The following PRRC2C variants were observed in gnomAD, a reference collection of about 807,000 sequenced individuals.
PRRC2C encodes protein PRRC2C.
A neutral mutation model predicts 317.2 loss-of-function variants in PRRC2C; 72 were observed. The ratio of observed to expected loss-of-function variants is 0.23; its 90% CI spans 0.19 to 0.28. The LOEUF is 0.28. Among genes scored for constraint, PRRC2C ranks in the 10% least tolerant of loss-of-function variants. The probability of loss-of-function intolerance (pLI) is 1.00; values close to 1 mark genes in which losing one functional copy is unlikely to be tolerated. For missense variants in PRRC2C, 3,074 were observed against 3,459.7 expected, an observed-to-expected ratio of 0.89 and a Z score of 2.80; for synonymous variants, 1,296 against 1,205.9, an observed-to-expected ratio of 1.07 and a Z score of -1.55.
At chr1:171,573,166 T>C (rs1685069047) in intron 24 of PRRC2C, among the ~76,000 whole-genome samples, 1 of 152,204 alleles carries the variant, frequency 6.6e-6, no homozygotes, top group African/African-American at 2.4e-5. Context: ...ATTGACGACA[T>C]TAAGTTTTTA....
At chr1:171,523,608 C>T in intron 9 of PRRC2C, 86 bp downstream of exon 9, 8 of 1,122,628 alleles carry the variant, frequency 7.1e-6, no homozygotes, top group Non-Finnish European at 1.0e-5. Flanking sequence ...TGTTAATAGA[C>T]AATTGTTTGT....
chr1:171,500,161 C>G (rs1668826635), intron 1 of PRRC2C, among the ~76,000 whole-genome samples: 2 of 152,092 alleles, frequency 1.3e-5, no homozygotes, highest in African/African-American at 2.4e-5. Context: ...CCCATTGTGG[C>G]CAGAAAGAAA....
chr1:171,584,570 AT>A (rs1649423323), intron 30 of PRRC2C, 44 bp downstream of exon 30: 1 of 1,506,262 alleles, frequency 6.6e-7, no homozygotes, highest in Non-Finnish European at 8.9e-7. Flanking sequence ...CTTTATTATT[AT>A]TTTTATTGCT....
intron 17 of PRRC2C, 22 bp downstream of exon 17, chr1:171,545,709 T>TTTTTTTTA (rs144272003): frequency 8.7e-5 from 70 of 804,988 alleles, no homozygotes; most frequent in Admixed American, 1.2e-4. Flanking sequence ...GTTTCTTTCA[T>TTTTTTTTA]TTTATTTATT....
At chr1:171,520,654 A>G (rs147532483) in intron 6 of PRRC2C, among the ~76,000 whole-genome samples, 19 of 152,316 alleles carry the variant, frequency 1.2e-4, no homozygotes, top group Middle Eastern at 3.4e-3. Flanking sequence ...TGCCTCCAGT[A>G]GTGTCTTTAT....
intron 1 of PRRC2C, among the ~76,000 whole-genome samples, chr1:171,490,307 C>G (rs1666887393): frequency 6.6e-6 from 1 of 152,208 alleles, no homozygotes; most frequent in Non-Finnish European, 1.5e-5. Context: ...TTCTGTGGAT[C>G]ACTTAAAATC....
chr1:171,514,262 ATGTGTGTGTG>A (rs10531775), intron 3 of PRRC2C, among the ~76,000 whole-genome samples: 1 of 148,582 alleles, frequency 6.7e-6, no homozygotes, highest in Non-Finnish European at 1.5e-5. Flanking sequence ...GTGTGTGTGT[ATGTGTGTGTG>A]TGTGTGTGTG....
intron 1 of PRRC2C, among the ~76,000 whole-genome samples, chr1:171,505,488 T>C (rs1373301303): frequency 4.6e-5 from 7 of 152,222 alleles, no homozygotes; most frequent in African/African-American, 1.7e-4. Context: ...ATTTTCTACA[T>C]ATGTGATCAT....
Position 171,541,189 on chromosome 1 carries a change from A to C in PRRC2C, c.3723A>C (p.Arg1241=). 1 of 1,612,896 alleles carries C rather than the reference A, an allele frequency of 6.2e-7. No individual in the cohort carries two copies. The highest frequency in any genetic ancestry group is 8.5e-7 in the Non-Finnish European group (1 of 1,179,594). Reference sequence around the variant, plus strand: ...TACCCTCAGGGCCTCTCAGACAGCGAGAAGAAAGTGAAACACGGAGTGAGA... The same window carrying C: ...TACCCTCAGGGCCTCTCAGACAGCGCGAAGAAAGTGAAACACGGAGTGAGA... ...EHIPSGPLRQ[R]EESETRSESS... is the part of the protein sequence containing the mutation. Residue 1241 remains arginine, a synonymous_variant, in exon 16 of 35, where the codon CGA becomes CGC. Transcript: ENST00000647382. The surrounding 1 kb of genome is among the most constrained non-coding windows in gnomAD (Gnocchi z 4.1).
At chr1:171,505,090 C>T (rs1486804647) in intron 1 of PRRC2C, among the ~76,000 whole-genome samples, 6 of 150,356 alleles carry the variant, frequency 4.0e-5, no homozygotes, top group South Asian at 2.1e-4. Context: ...TGCAATGGCA[C>T]GATCTCTGCT....
intron 18 of PRRC2C, among the ~76,000 whole-genome samples, chr1:171,554,238 CTT>C (rs1243007374): frequency 2.6e-5 from 4 of 152,120 alleles, no homozygotes; most frequent in Admixed American, 6.5e-5. Context: ...TTCTTTGTCT[CTT>C]TTGATCTTTG....
intron 1 of PRRC2C, among the ~76,000 whole-genome samples, chr1:171,487,057 T>G (rs1319494013): frequency 1.3e-5 from 2 of 152,252 alleles, no homozygotes; most frequent in African/African-American, 4.8e-5. Context: ...AAGTGGATTT[T>G]CAGAATATAG....
intron 1 of PRRC2C, chr1:171,511,808 T>G (rs1571683611): frequency 9.2e-6 from 2 of 217,648 alleles, no homozygotes; most frequent in African/African-American, 4.7e-5. Context: ...ACCCTTATTC[T>G]CTATGATAGA....
At position 171,541,924 on chromosome 1, in the gene PRRC2C, T is replaced by C; in HGVS notation, c.4458T>C (p.Ser1486=). Residue 1486 remains serine (S), a synonymous_variant, in exon 16 of 35, where the codon TCT becomes TCC. Transcript: ENST00000647382. The surrounding 1 kb of genome is among the most constrained non-coding windows in gnomAD (Gnocchi z 4.1). ...CCGGGAATAAGACACCAGATTTATC[T>C]AATCAGAACTCTTCAGATCAGGCAA... ...DISGNKTPDL[S]NQNSSDQANE... is the part of the protein sequence containing the mutation. 6.2e-7 allele frequency: 1 copy of C among 1,613,830 alleles called. No homozygotes were observed. The highest frequency in any genetic ancestry group is 8.5e-7 in the Non-Finnish European group (1 of 1,179,826).
Position 171,550,758 on chromosome 1 carries a change from G to C in PRRC2C, c.5127+518G>C, listed in dbSNP as rs1179766972. Among the ~76,000 whole-genome samples the C allele has an allele frequency of 2.6e-5, 4 of 152,108 alleles. No homozygotes were observed. In the East Asian group the frequency reaches 5.8e-4, roughly 22 times the overall value. On this transcript the variant is annotated intron_variant, in intron 18 of 34. Transcript: ENST00000647382. ...TTGCAATAGTTTGCTCAGAATGATG[G>C]TTTCCAGCTTCATCCATGTCCCTGC...
At position 171,540,604 on chromosome 1, in the gene PRRC2C, A is replaced by C; in HGVS notation, c.3138A>C (p.Glu1046Asp). 2 of 1,613,940 alleles carry C rather than the reference A, an allele frequency of 1.2e-6. No individual in the cohort carries two copies. Among genetic ancestry groups the C allele is most frequent in the South Asian group, 2.2e-5 (2 of 91,082 alleles). ...GAGAAAAGGCCGAAAAGGTCACTGA[A>C]AAAGTAGTTGTAAAGCCTGAAAAGA... ...KEGEKAEKVT[E>D]KVVVKPEKTE... The change falls in exon 16 of 35, where the codon GAA becomes GAC. Residue 1046 changes from glutamate (E) to aspartate (D), a missense_variant. Physicochemically the swap from Glu to Asp is conservative, Grantham distance 45. Coordinates refer to ENST00000647382, the MANE Select transcript of PRRC2C (RefSeq NM_001387844.1).
chr1:171,531,367 A>G (rs940686206), intron 11 of PRRC2C, among the ~76,000 whole-genome samples: 15 of 152,220 alleles, frequency 9.9e-5, no homozygotes, highest in Non-Finnish European at 2.2e-4. Context: ...ATTAGGCACT[A>G]ATATATTTGG....
At chr1:171,506,722 A>G (rs1392277566) in intron 1 of PRRC2C, among the ~76,000 whole-genome samples, 2 of 97,346 alleles carry the variant, frequency 2.1e-5, no homozygotes, top group Non-Finnish European at 4.3e-5. Context: ...TGTGTGTTTT[A>G]ATTGGAAAGG....
chr1:171,572,058 GTTGT>G (rs1418670797), intron 24 of PRRC2C, among the ~76,000 whole-genome samples: 2 of 151,462 alleles, frequency 1.3e-5, no homozygotes, highest in African/African-American at 4.9e-5. Context: ...TTACAGTTGT[GTTGT>G]TTGAGAGTAT....
Sources: gnomAD v4.1 joint callset for allele counts (sites outside exome capture counted in the v4.1 genomes callset) on GRCh38, gnomAD v4.1.1 for gene constraint, Gnocchi (gnomAD v3.1) non-coding constraint, MANE v1.5 for transcripts, NCBI Gene and HGNC (gene_info 2026-07-23, HGNC 2026-07-21) for gene names.